Variants in DAPK1 observed in about 807,000 individuals in gnomAD.
DAPK1 encodes death-associated protein kinase 1.
A neutral mutation model predicts 144.9 loss-of-function variants in DAPK1; 56 were observed. The observed-to-expected ratio is 0.39, with a 90% confidence interval of 0.31 to 0.48. DAPK1 has a LOEUF of 0.48. Ranked by LOEUF, DAPK1 falls within the 20% of genes least tolerant of loss-of-function variation. The pLI, the probability that DAPK1 is intolerant of heterozygous loss-of-function variation, is 0.95. For missense variants in DAPK1, 1,454 were observed against 1,875.4 expected, an observed-to-expected ratio of 0.78 and a Z score of 4.15; for synonymous variants, 690 against 749.0, an observed-to-expected ratio of 0.92 and a Z score of 1.29.
chr9:87,609,583 C>T (rs1378563245), intron 3 of DAPK1, among the ~76,000 whole-genome samples: 1 of 152,102 alleles, frequency 6.6e-6, no homozygotes, highest in East Asian at 1.9e-4. Flanking sequence ...GAGAAACAGT[C>T]GTCTTTGCCT....
chr9:87,508,884 A>G (rs1824718567), intron 2 of DAPK1, among the ~76,000 whole-genome samples: 1 of 152,226 alleles, frequency 6.6e-6, no homozygotes, highest in Non-Finnish European at 1.5e-5. Flanking sequence ...CAAGAAAAAA[A>G]GTGGCGGAAG....
intron 2 of DAPK1, among the ~76,000 whole-genome samples, chr9:87,520,832 A>G (rs1007500838): frequency 3.9e-5 from 6 of 152,204 alleles, no homozygotes; most frequent in Non-Finnish European, 8.8e-5. Context: ...ATGCACATAT[A>G]TCTATACATG....
At chr9:87,502,641 T>C (rs1446520049) in intron 2 of DAPK1, among the ~76,000 whole-genome samples, 1 of 152,188 alleles carries the variant, frequency 6.6e-6, no homozygotes, top group East Asian at 1.9e-4. Flanking sequence ...TCTGACCTTA[T>C]ATGATCTTAA....
chr9:87,644,312 C>T (rs1220200015), intron 11 of DAPK1, among the ~76,000 whole-genome samples: 4 of 152,016 alleles, frequency 2.6e-5, no homozygotes, highest in African/African-American at 4.8e-5. Context: ...AATCAAACAA[C>T]GGGGCTTTGT....
intron 2 of DAPK1, among the ~76,000 whole-genome samples, chr9:87,512,185 A>G (rs4878084): frequency 0.23 from 34,470 of 152,108 alleles, 4,273 homozygotes; most frequent in East Asian, 0.42. Context: ...AGCCTCCTGC[A>G]TAGCTGGGAC....
intron 2 of DAPK1, among the ~76,000 whole-genome samples, chr9:87,518,642 A>G (rs769740811): frequency 6.6e-6 from 1 of 152,116 alleles, no homozygotes; most frequent in Non-Finnish European, 1.5e-5. Flanking sequence ...TTAGCCTGTT[A>G]TCTGACCATG....
intron 2 of DAPK1, among the ~76,000 whole-genome samples, chr9:87,597,075 C>T (rs1014698754): frequency 2.0e-5 from 3 of 152,184 alleles, no homozygotes; most frequent in Non-Finnish European, 4.4e-5. Flanking sequence ...ACAGCCTGGG[C>T]TTCTCCCAGC....
chr9:87,682,791 C>G (rs901567304), intron 20 of DAPK1, among the ~76,000 whole-genome samples: 7 of 152,094 alleles, frequency 4.6e-5, no homozygotes, highest in African/African-American at 1.7e-4. Flanking sequence ...GTGTTTTTAC[C>G]GCTATTTCCC....
Position 87,639,447 on chromosome 9 carries a change from G to A in DAPK1, c.517G>A (p.Glu173Lys), listed in dbSNP as rs1232222764. 1 of 1,613,304 alleles carries A rather than the reference G, an allele frequency of 6.2e-7. No individual in the cohort carries two copies. The highest frequency in any genetic ancestry group is 1.3e-5 in the African/African-American group (1 of 74,892). Residue 173 changes from glutamate to lysine, a missense_variant, in exon 5 of 26, where the codon GAA becomes AAA. This residue lies in a region of DAPK1 where 429 missense variants were observed against 637.5 expected (regional missense o/e 0.67). Coordinates refer to ENST00000408954, the MANE Select transcript of DAPK1 (RefSeq NM_004938.4). The stretch of plus-strand genomic sequence containing the variant: ...GGCCCATAAAATTGACTTTGGAAAT[G>A]AATTTAAAAACATATTTGGGACTCC... ...GLAHKIDFGN[E>K]FKNIFGTPEF...
intron 4 of DAPK1, 110 bp downstream of exon 4, chr9:87,638,191 C>A: frequency 8.4e-7 from 1 of 1,184,244 alleles, no homozygotes; most frequent in Non-Finnish European, 1.2e-6. Flanking sequence ...TTTTCCTGTA[C>A]CAGTTTAACA....
chr9:87,612,861 A>C (rs1334601872), intron 3 of DAPK1, among the ~76,000 whole-genome samples: 1 of 152,206 alleles, frequency 6.6e-6, no homozygotes, highest in Non-Finnish European at 1.5e-5. Context: ...GGCCTGCTTC[A>C]GGATGGTCAC....
chr9:87,531,827 T>A (rs1281322179), intron 2 of DAPK1, among the ~76,000 whole-genome samples: 4 of 152,194 alleles, frequency 2.6e-5, no homozygotes, highest in African/African-American at 9.7e-5. Context: ...GAGAGGCAAG[T>A]CTGAGAGGTG....
In DAPK1 at chr9:87,617,947, A is replaced by G. The variant is rs574262416; in HGVS notation, c.284+12772A>G. ...GCTTCATTCTTCTCCCCTATTCTCC[A>G]CTGTGGCACACATCTAGTCTTCCGT... On this transcript the variant is annotated intron_variant, in intron 3 of 25. Coordinates refer to ENST00000408954, the MANE Select transcript of DAPK1 (RefSeq NM_004938.4). Among the ~76,000 whole-genome samples the G allele has an allele frequency of 2.6e-5, 4 of 152,104 alleles. No homozygotes were observed. The South Asian group carries it at 8.3e-4, about 32-fold the overall frequency.
chr9:87,574,939 C>G (rs376975428), intron 2 of DAPK1, among the ~76,000 whole-genome samples: 18 of 151,002 alleles, frequency 1.2e-4, no homozygotes, highest in Non-Finnish European at 2.7e-4. Flanking sequence ...AAAACAAGGC[C>G]GGGCGTGGTG....
intron 2 of DAPK1, among the ~76,000 whole-genome samples, chr9:87,521,492 C>T (rs1262607364): frequency 6.6e-6 from 1 of 152,174 alleles, no homozygotes; most frequent in African/African-American, 2.4e-5. Flanking sequence ...CCCATGAGGA[C>T]AAGGTCCAGG....
chr9:87,638,225 G>A, intron 4 of DAPK1, 144 bp downstream of exon 4: 1 of 869,764 alleles, frequency 1.1e-6, no homozygotes, highest in Non-Finnish European at 1.7e-6. Flanking sequence ...CTATAAATCG[G>A]CAAGCATAGG....
At chr9:87,701,657 C>G (rs981064388) in intron 24 of DAPK1, among the ~76,000 whole-genome samples, 3 of 151,670 alleles carry the variant, frequency 2.0e-5, no homozygotes, top group African/African-American at 7.3e-5. Context: ...CTGCCGAGGC[C>G]TGAGGACAAA....
At chr9:87,624,632 T>A (rs1052077243) in intron 3 of DAPK1, among the ~76,000 whole-genome samples, 3 of 152,150 alleles carry the variant, frequency 2.0e-5, no homozygotes, top group Non-Finnish European at 2.9e-5. Flanking sequence ...AGCCAGCAAG[T>A]GGACAGGACC....
At chr9:87,611,336 A>C (rs1587768010) in intron 3 of DAPK1, among the ~76,000 whole-genome samples, 1 of 152,016 alleles carries the variant, frequency 6.6e-6, no homozygotes, top group African/African-American at 2.4e-5. Flanking sequence ...TTTTTCCTAG[A>C]GACGGGGTGT....
Sources: allele counts gnomAD v4.1 joint callset (sites outside exome capture counted in the v4.1 genomes callset), GRCh38; gene constraint gnomAD v4.1.1; regional missense constraint gnomAD v4.1.1; transcripts MANE v1.5; gene names NCBI Gene and HGNC (gene_info 2026-07-23, HGNC 2026-07-21).